Variants in AVEN observed in about 807,000 individuals in gnomAD.
The protein encoded by AVEN is apoptosis and caspase activation inhibitor, also known as cell death regulator Aven.
AVEN carries 41 observed loss-of-function variants against 38.1 expected under a neutral mutation model. The observed-to-expected ratio is 1.08, with a 90% CI of 0.84 to 1.40. AVEN has a LOEUF of 1.40. AVEN is among the 40% of genes most tolerant of loss of function. AVEN has a pLI of 0.00. For synonymous variants in AVEN, 206 were observed against 171.8 expected, an observed-to-expected ratio of 1.20 and a Z score of -1.56; for missense variants, 605 against 438.8, an observed-to-expected ratio of 1.38 and a Z score of -3.38.
At chr15:33,927,947 G>T (rs947665598) in intron 2 of AVEN, among the ~76,000 whole-genome samples, 3 of 152,156 alleles carry the variant, frequency 2.0e-5, no homozygotes, top group Non-Finnish European at 4.4e-5. Flanking sequence ...TGCCAACTCA[G>T]CATCAGGACA....
chr15:33,982,077 G>A (rs1896176334), intron 2 of AVEN, among the ~76,000 whole-genome samples: 1 of 151,656 alleles, frequency 6.6e-6, no homozygotes, highest in Non-Finnish European at 1.5e-5. Context: ...ACACTGGCCA[G>A]GCTGGTCTTG....
downstream of AVEN, chr15:33,854,522 G>C: frequency 7.6e-7 from 1 of 1,307,530 alleles, no homozygotes. Context: ...AAGCTATGCA[G>C]GATGCTCAGA....
At chr15:33,871,774 CAAA>C (rs55793582) in intron 3 of AVEN, among the ~76,000 whole-genome samples, 1 of 91,582 alleles carries the variant, frequency 1.1e-5, no homozygotes, top group African/African-American at 4.0e-5. Context: ...CTAGTCTCCT[CAAA>C]AAAAAAAAAA....
At chr15:34,011,313 C>T (rs968448309) in intron 1 of AVEN, among the ~76,000 whole-genome samples, 8 of 151,766 alleles carry the variant, frequency 5.3e-5, no homozygotes, top group South Asian at 2.1e-4. Flanking sequence ...AAAAAGGATA[C>T]GGATATACAA....
chr15:34,028,844 G>A (rs1258444814), intron 1 of AVEN, among the ~76,000 whole-genome samples: 1 of 151,418 alleles, frequency 6.6e-6, no homozygotes, highest in African/African-American at 2.4e-5. Context: ...CACCATCATC[G>A]GCCACCACAT....
downstream of AVEN, chr15:33,854,689 A>C (rs1328663264): frequency 1.3e-6 from 2 of 1,526,454 alleles, no homozygotes; most frequent in East Asian, 4.5e-5. Context: ...TGTGTCTCCC[A>C]AAATAAGAAA....
intron 2 of AVEN, among the ~76,000 whole-genome samples, chr15:33,886,950 G>C (rs1267221555): frequency 6.6e-6 from 1 of 152,150 alleles, no homozygotes; most frequent in African/African-American, 2.4e-5. Flanking sequence ...CAGGCAGCGA[G>C]ATGGAAAAAT....
At chr15:34,018,982 AC>A (rs1898086821) in intron 1 of AVEN, among the ~76,000 whole-genome samples, 1 of 151,998 alleles carries the variant, frequency 6.6e-6, no homozygotes, top group African/African-American at 2.4e-5. Flanking sequence ...GTGTGTTTTT[AC>A]AGAGTGCTCA....
chr15:33,867,832 A>G lies in AVEN; in HGVS notation c.636T>C (p.Pro212=). The G allele has an allele frequency of 6.3e-7, 1 of 1,598,224 alleles. No individual in the cohort carries two copies. Among genetic ancestry groups the G allele is most frequent in the South Asian group, 1.1e-5 (1 of 88,034 alleles). ...CATCAGTTCTCTTTGGTTTCACCTGAGGAACCTCTAAAGGAACTGTACCCT... is the reference window on the plus strand; with the variant it reads ...CATCAGTTCTCTTTGGTTTCACCTGGGGAACCTCTAAAGGAACTGTACCCT... ...LVQGTVPLEV[P]QVKPKRTDDG... Residue 212 remains proline, a synonymous_variant, in exon 5 of 6, where the codon CCT becomes CCC. Coordinates refer to ENST00000306730, the MANE Select transcript of AVEN (RefSeq NM_020371.3).
Position 33,867,500 on chromosome 15 carries a change from T to A in AVEN, c.968A>T (p.Glu323Val), listed in dbSNP as rs1385570269. ...SKEDGEVVQE[E>V]EVCAKPSVTE... ...GAATAAAATGAAAGCCATACCTTCT[T>A]CCTCTTGGACCACCTCCCCATCTTC... Residue 323 changes from glutamate to valine, a missense_variant, in exon 5 of 6, where the codon GAA becomes GTA. Coordinates refer to ENST00000306730, the MANE Select transcript of AVEN (RefSeq NM_020371.3). 1 of 1,568,564 alleles carries A rather than the reference T, an allele frequency of 6.4e-7. No homozygotes were observed. Among genetic ancestry groups the A allele is most frequent in the South Asian group, 1.2e-5 (1 of 81,634 alleles).
chr15:33,943,953 C>A (rs1420473789), intron 2 of AVEN, among the ~76,000 whole-genome samples: 1 of 151,518 alleles, frequency 6.6e-6, no homozygotes, highest in South Asian at 2.1e-4. Context: ...TGTCTGGTCT[C>A]GAACTCCTGG....
chr15:33,868,544 CAAAA>C (rs35851228), intron 4 of AVEN, among the ~76,000 whole-genome samples: 6 of 66,232 alleles, frequency 9.1e-5, no homozygotes, highest in African/African-American at 1.8e-4. Flanking sequence ...GACTCCGTCT[CAAAA>C]AAAAAAAAAA....
At chr15:33,904,409 G>A (rs1892602559) in intron 2 of AVEN, among the ~76,000 whole-genome samples, 1 of 152,126 alleles carries the variant, frequency 6.6e-6, no homozygotes, top group South Asian at 2.1e-4. Context: ...AACAGAGTAA[G>A]ACTGTGTTTT....
At chr15:33,877,059 TAA>T (rs1045827004) in intron 2 of AVEN, among the ~76,000 whole-genome samples, 13 of 152,208 alleles carry the variant, frequency 8.5e-5, no homozygotes, top group Non-Finnish European at 1.6e-4. Context: ...GAGAAAAAGT[TAA>T]AGTCAAATAC....
chr15:34,031,168 A>ATTTTTTTTTTTTTTTTTTTTTTTTTTTTT (rs34414446), intron 1 of AVEN, among the ~76,000 whole-genome samples: 1 of 67,590 alleles, frequency 1.5e-5, no homozygotes. Flanking sequence ...GCTTAGGTTA[A>ATTTTTTTTTTTTTTTTTTTTTTTTTTTTT]TTTTTTTTTT....
At chr15:33,898,345 CA>C (rs1224174908) in intron 2 of AVEN, among the ~76,000 whole-genome samples, 6 of 152,160 alleles carry the variant, frequency 3.9e-5, no homozygotes, top group African/African-American at 1.4e-4. Flanking sequence ...CAGCCTTGTA[CA>C]GGACCACAAA....
At chr15:33,970,130 C>T (rs532268982) in intron 2 of AVEN, among the ~76,000 whole-genome samples, 10 of 152,022 alleles carry the variant, frequency 6.6e-5, no homozygotes, top group African/African-American at 2.2e-4. Context: ...CACCTAACTA[C>T]GGAGATCTTG....
At chr15:33,878,101 A>T (rs558243069) in intron 2 of AVEN, among the ~76,000 whole-genome samples, 1 of 152,156 alleles carries the variant, frequency 6.6e-6, no homozygotes, top group South Asian at 2.1e-4. Flanking sequence ...AAGACAAAAA[A>T]CTCAACAGTT....
intron 2 of AVEN, among the ~76,000 whole-genome samples, chr15:33,960,093 C>A (rs761162730): frequency 6.6e-6 from 1 of 151,994 alleles, no homozygotes; most frequent in Non-Finnish European, 1.5e-5. Context: ...AATAAGGGAC[C>A]GTGATCAGAT....
Sources: gnomAD v4.1 joint callset for allele counts (sites outside exome capture counted in the v4.1 genomes callset) on GRCh38, gnomAD v4.1.1 for gene constraint, MANE v1.5 for transcripts, NCBI Gene and HGNC (gene_info 2026-07-23, HGNC 2026-07-21) for gene names.